Variants in TNPO3 observed in about 807,000 individuals in gnomAD.
TNPO3 encodes the protein transportin-3.
TNPO3 carries 65 observed loss-of-function variants against 122.8 expected under a neutral mutation model. That is an observed-to-expected ratio of 0.53 (90% CI 0.43 to 0.65). The LOEUF is 0.65. Among genes scored for constraint, TNPO3 ranks in the 30% least tolerant of loss-of-function variants. TNPO3 has a pLI of 0.00. For synonymous variants in TNPO3, 372 were observed against 411.2 expected (o/e 0.90, Z 1.15); for missense variants, 850 against 1,136.7 (o/e 0.75, Z 3.63).
chr7:129,017,177 T>C (rs1329697493), intron 2 of TNPO3, 121 bp from the exon 3 acceptor site: 1 of 879,398 alleles, frequency 1.1e-6, no homozygotes, highest in East Asian at 2.6e-5. Flanking sequence ...CTAACCCCCT[T>C]CCCCCATTTC....
chr7:129,040,137 C>T (rs1406737338), intron 1 of TNPO3, among the ~76,000 whole-genome samples: 1 of 152,026 alleles, frequency 6.6e-6, no homozygotes, highest in Non-Finnish European at 1.5e-5. Context: ...CACTTGTAAT[C>T]CCAGCTACTC....
intron 11 of TNPO3, among the ~76,000 whole-genome samples, chr7:128,989,176 T>G (rs1294373854): frequency 6.6e-6 from 1 of 152,206 alleles, no homozygotes; most frequent in Non-Finnish European, 1.5e-5. Context: ...ACATTCACTC[T>G]TTTTAGCATG....
intron 1 of TNPO3, among the ~76,000 whole-genome samples, chr7:129,043,192 G>A (rs1463114092): frequency 6.7e-6 from 1 of 150,342 alleles, no homozygotes; most frequent in East Asian, 2.0e-4. Context: ...CCTGAGACCA[G>A]AAATTCTACA....
intron 12 of TNPO3, 47 bp downstream of exon 12, chr7:128,986,682 G>A (rs750708431): frequency 2.0e-6 from 3 of 1,518,392 alleles, no homozygotes; most frequent in African/African-American, 2.8e-5. Context: ...GATTACCCCA[G>A]GTAGTGGCTT....
At chr7:128,978,926 C>T (rs1322879145) in intron 16 of TNPO3, 57 bp downstream of exon 16, 2 of 1,598,902 alleles carry the variant, frequency 1.3e-6, no homozygotes, top group Non-Finnish European at 1.7e-6. Flanking sequence ...GCCACCGCAC[C>T]CTGCCTATTT....
At chr7:129,035,758 ATG>A (rs1806572341) in intron 1 of TNPO3, among the ~76,000 whole-genome samples, 4 of 152,220 alleles carry the variant, frequency 2.6e-5, no homozygotes, top group Admixed American at 2.6e-4. Flanking sequence ...AATAGATTTT[ATG>A]TGACTCCTGA....
intron 18 of TNPO3, among the ~76,000 whole-genome samples, chr7:128,973,458 C>T (rs936021782): frequency 1.3e-5 from 2 of 151,642 alleles, no homozygotes; most frequent in African/African-American, 2.4e-5. Flanking sequence ...GAGGGTGTGC[C>T]GGGCGTGGTG....
Position 129,040,954 on chromosome 7 carries a change from A to G in TNPO3, c.120+13697T>C, listed in dbSNP as rs993029643. On this transcript the variant is annotated intron_variant, in intron 1 of 22. Transcript: ENST00000265388. ...AAAGAATCATTTGGCAAACTTGGGTATCAAGGCTACTGCTAAGTACATCGT... is the reference window on the plus strand; with the variant it reads ...AAAGAATCATTTGGCAAACTTGGGTGTCAAGGCTACTGCTAAGTACATCGT... Among the ~76,000 whole-genome samples, 3 of 152,236 alleles carry G rather than the reference A, an allele frequency of 2.0e-5. No individual in the cohort carries two copies. The East Asian group carries it at 5.8e-4, about 29-fold the overall frequency.
chr7:129,036,342 G>A (rs1399400173), intron 1 of TNPO3, among the ~76,000 whole-genome samples: 2 of 152,030 alleles, frequency 1.3e-5, no homozygotes, highest in Non-Finnish European at 1.5e-5. Flanking sequence ...TCAGCCTCCT[G>A]TGTAGCTGGG....
intron 1 of TNPO3, among the ~76,000 whole-genome samples, chr7:129,026,540 T>C (rs570088337): frequency 6.6e-6 from 1 of 151,808 alleles, no homozygotes; most frequent in African/African-American, 2.4e-5. Flanking sequence ...GTAGCTGGGA[T>C]TACAGGCATG....
intron 21 of TNPO3, among the ~76,000 whole-genome samples, chr7:128,964,143 A>G (rs1408303288): frequency 6.6e-6 from 1 of 152,216 alleles, no homozygotes; most frequent in Non-Finnish European, 1.5e-5. Context: ...GAAATTAAAG[A>G]CACCAATAAA....
chr7:129,017,359 T>A (rs1446429675), intron 2 of TNPO3, among the ~76,000 whole-genome samples: 2 of 152,226 alleles, frequency 1.3e-5, no homozygotes, highest in Non-Finnish European at 2.9e-5. Flanking sequence ...TATTTGGCAA[T>A]ACCACAGAAC....
intron 1 of TNPO3, among the ~76,000 whole-genome samples, chr7:129,025,576 C>A (rs958882828): frequency 1.3e-5 from 2 of 152,014 alleles, no homozygotes; most frequent in Middle Eastern, 3.4e-3. Context: ...AGTTCTATTT[C>A]TTTTCTTTTT....
chr7:128,963,240 G>A (rs1343297761), intron 21 of TNPO3, among the ~76,000 whole-genome samples: 1 of 152,122 alleles, frequency 6.6e-6, no homozygotes, highest in African/African-American at 2.4e-5. Flanking sequence ...AAGTAATAGG[G>A]TATGTGGCAA....
At chr7:129,010,543 T>C (rs921722749) in intron 4 of TNPO3, among the ~76,000 whole-genome samples, 1 of 152,160 alleles carries the variant, frequency 6.6e-6, no homozygotes, top group Non-Finnish European at 1.5e-5. Flanking sequence ...TGATAGGGAA[T>C]TGAACATTCA....
chr7:129,031,207 G>A (rs1485432393), intron 1 of TNPO3, among the ~76,000 whole-genome samples: 1 of 151,982 alleles, frequency 6.6e-6, no homozygotes, highest in Non-Finnish European at 1.5e-5. Context: ...GCTGAGGCAT[G>A]AGAATTGCTT....
At chr7:128,972,808 C>T (rs1213866141) in intron 18 of TNPO3, among the ~76,000 whole-genome samples, 4 of 151,970 alleles carry the variant, frequency 2.6e-5, no homozygotes, top group Non-Finnish European at 5.9e-5. Flanking sequence ...TGTCAAAACC[C>T]ACAGAATGTA....
intron 21 of TNPO3, among the ~76,000 whole-genome samples, chr7:128,966,209 T>C (rs891773387): frequency 1.3e-5 from 2 of 152,230 alleles, no homozygotes; most frequent in African/African-American, 4.8e-5. Context: ...ATATTTCTTC[T>C]TCCTTGTTCA....
intron 8 of TNPO3, among the ~76,000 whole-genome samples, chr7:128,994,511 G>C (rs1801099715): frequency 6.6e-6 from 1 of 152,090 alleles, no homozygotes; most frequent in Non-Finnish European, 1.5e-5. Context: ...GGCTTGGGGA[G>C]AGTGAGAAGT....
Sources: allele counts gnomAD v4.1 joint callset (sites outside exome capture counted in the v4.1 genomes callset), GRCh38; gene constraint gnomAD v4.1.1; transcripts MANE v1.5; gene names NCBI Gene and HGNC (gene_info 2026-07-23, HGNC 2026-07-21).